Variants in HUNK observed in about 807,000 individuals in gnomAD.
HUNK encodes hormonally up-regulated Neu-associated kinase.
A neutral mutation model predicts 61.0 loss-of-function variants in HUNK; 21 were observed. The ratio of observed to expected loss-of-function variants is 0.34; its 90% CI spans 0.24 to 0.50. The LOEUF (loss-of-function observed/expected upper bound fraction) is 0.50. Ranked by LOEUF, HUNK falls within the 20% of genes least tolerant of loss-of-function variation. HUNK has a pLI of 0.98. For missense variants in HUNK, 772 were observed against 945.7 expected, an observed-to-expected ratio of 0.82 and a Z score of 2.41; for synonymous variants, 371 against 386.1, an observed-to-expected ratio of 0.96 and a Z score of 0.46.
chr21:31,956,316 G>C (rs1251137726), intron 4 of HUNK, among the ~76,000 whole-genome samples: 2 of 152,172 alleles, frequency 1.3e-5, no homozygotes, highest in East Asian at 3.8e-4. Flanking sequence ...ATTGGGAACA[G>C]CTTGTCTCAG....
intron 5 of HUNK, among the ~76,000 whole-genome samples, chr21:31,961,276 G>T (rs113050772): frequency 6.6e-6 from 1 of 151,650 alleles, no homozygotes; most frequent in African/African-American, 2.4e-5. Flanking sequence ...TGGATATACC[G>T]CAGTTTGTTT....
At chr21:31,969,928 T>C (rs374530122) in intron 6 of HUNK, among the ~76,000 whole-genome samples, 2 of 152,176 alleles carry the variant, frequency 1.3e-5, no homozygotes, top group Non-Finnish European at 2.9e-5. Context: ...AGCGAGGGAA[T>C]GAGGGCCCTT....
intron 1 of HUNK, among the ~76,000 whole-genome samples, chr21:31,898,236 A>G (rs969222200): frequency 6.6e-6 from 1 of 152,098 alleles, no homozygotes; most frequent in Non-Finnish European, 1.5e-5. Flanking sequence ...TGTGATTACC[A>G]TTAGGACAAG....
At chr21:31,934,251 C>T (rs1568928881) in intron 2 of HUNK, among the ~76,000 whole-genome samples, 1 of 151,614 alleles carries the variant, frequency 6.6e-6, no homozygotes, top group Non-Finnish European at 1.5e-5. Flanking sequence ...GTCAGGAGAT[C>T]GAGACCACGG....
chr21:31,904,153 CA>C (rs2052489042), intron 1 of HUNK, among the ~76,000 whole-genome samples: 1 of 151,804 alleles, frequency 6.6e-6, no homozygotes, highest in Non-Finnish European at 1.5e-5. Context: ...GGCTATTCAC[CA>C]CAAAAGATTG....
chr21:31,884,603 T>C (rs190081292), intron 1 of HUNK, among the ~76,000 whole-genome samples: 2 of 134,426 alleles, frequency 1.5e-5, no homozygotes, highest in Non-Finnish European at 3.1e-5. Flanking sequence ...AAAAAAAAAA[T>C]AAATAAATAA....
intron 1 of HUNK, among the ~76,000 whole-genome samples, chr21:31,907,806 A>G (rs993582655): frequency 2.6e-5 from 4 of 152,138 alleles, no homozygotes; most frequent in African/African-American, 7.2e-5. Context: ...CCTGGCCAAC[A>G]TGGAGAAACC....
At position 32,001,802 on chromosome 21, in the gene HUNK, ACTGT is replaced by A. The variant is rs1170588602; in HGVS notation, c.*2621_*2624del. The A allele has an allele frequency of 6.6e-6, 1 of 152,606 alleles. No homozygotes were observed. The highest frequency in any genetic ancestry group is 1.5e-5 in the Non-Finnish European group (1 of 68,034). The allele number at this position is 152,606 out of a possible 1,614,324, so 9.5% of individuals were successfully genotyped here. On this transcript the variant is annotated 3_prime_UTR_variant, in exon 11 of 11. Coordinates refer to ENST00000270112, the MANE Select transcript of HUNK (RefSeq NM_014586.2). ...GAAGCATGTTGTCTGTTCGACCGTG[ACTGT>A]CTTCCTCAGTCTGTGCCTGTGATTC...
rs748493019 is a variant in HUNK, at chr21:31,998,854, C to CGGAA, written c.1817_1820dup (p.Ser607ArgfsTer22). 1.9e-6 allele frequency: 3 copies of CGGAA among 1,614,180 alleles called. No individual in the cohort carries two copies. The South Asian group carries it at 3.3e-5, about 18-fold the overall frequency. On this transcript the variant is annotated frameshift_variant, in exon 11 of 11. Transcript: ENST00000270112. LOFTEE classifies it high-confidence loss of function. ...GGACGCTGTCCCCGGGTCTGCCATCCGGAAGCATGTCGCCTCTCCATACTC... is the reference window on the plus strand; with the variant it reads ...GGACGCTGTCCCCGGGTCTGCCATCCGGAAGGAAGCATGTCGCCTCTCCATACTC...
At chr21:31,896,035 CAG>C (rs1207210907) in intron 1 of HUNK, among the ~76,000 whole-genome samples, 1 of 150,400 alleles carries the variant, frequency 6.6e-6, no homozygotes, top group Admixed American at 6.7e-5. Context: ...AATTTGGACA[CAG>C]ATGTGCGCAC....
chr21:31,963,352 C>A (rs974774120), intron 5 of HUNK, among the ~76,000 whole-genome samples: 2 of 152,022 alleles, frequency 1.3e-5, no homozygotes, highest in African/African-American at 4.8e-5. Context: ...ATAAGACGCA[C>A]CCCCCCTACA....
At position 32,000,054 on chromosome 21, in the gene HUNK, G is replaced by A. The variant is rs552926466; in HGVS notation, c.*870G>A. The A allele has an allele frequency of 2.4e-4, 97 of 397,846 alleles. No individual in the cohort carries two copies. In the Admixed American group the frequency reaches 3.4e-3, roughly 14 times the overall value. The allele number at this position is 397,846 out of a possible 1,614,324, so 24.6% of individuals were successfully genotyped here. ...GTGGCCCACAGGCAGGGCAAGTCTCGGTGGCCCTGTGTTCATCCTGTTGTT... is the reference window on the plus strand; with the variant it reads ...GTGGCCCACAGGCAGGGCAAGTCTCAGTGGCCCTGTGTTCATCCTGTTGTT... On this transcript the variant is annotated 3_prime_UTR_variant, in exon 11 of 11. Transcript: ENST00000270112.
intron 3 of HUNK, among the ~76,000 whole-genome samples, chr21:31,945,282 G>A (rs1010438152): frequency 6.6e-6 from 1 of 152,074 alleles, no homozygotes; most frequent in South Asian, 2.1e-4. Flanking sequence ...TAAACATGGC[G>A]CAGAAGGCAT....
chr21:31,928,597 T>A (rs1024010205), intron 2 of HUNK, among the ~76,000 whole-genome samples: 13 of 152,154 alleles, frequency 8.5e-5, no homozygotes, highest in Non-Finnish European at 1.0e-4. Context: ...CAGGGACGAT[T>A]TAGGAAGATT....
intron 4 of HUNK, among the ~76,000 whole-genome samples, chr21:31,951,191 A>AATATATAT (rs60578023): frequency 1.4e-5 from 2 of 147,816 alleles, no homozygotes; most frequent in East Asian, 3.9e-4. Flanking sequence ...TATATGTATA[A>AATATATAT]ATATATATAT....
At chr21:31,991,239 G>A (rs73193450) in intron 9 of HUNK, among the ~76,000 whole-genome samples, 46,521 of 151,244 alleles carry the variant, frequency 0.31, 7,473 homozygotes, top group Admixed American at 0.36. Flanking sequence ...TTTTTTTGAG[G>A]TGGAGTCTTG....
intron 1 of HUNK, among the ~76,000 whole-genome samples, chr21:31,878,769 A>G (rs1280003997): frequency 6.6e-6 from 1 of 152,238 alleles, no homozygotes; most frequent in Non-Finnish European, 1.5e-5. Flanking sequence ...GAAAAGCTGA[A>G]TCGAGAAAAG....
chr21:31,969,669 G>A (rs990408147), intron 6 of HUNK, among the ~76,000 whole-genome samples: 4 of 151,622 alleles, frequency 2.6e-5, no homozygotes, highest in African/African-American at 9.7e-5. Context: ...TGAGCTCAAG[G>A]GAGTCTCCCA....
At chr21:31,950,478 G>A (rs1026941123) in intron 4 of HUNK, among the ~76,000 whole-genome samples, 2 of 152,202 alleles carry the variant, frequency 1.3e-5, no homozygotes, top group Admixed American at 6.5e-5. Flanking sequence ...GTGGGGAAAC[G>A]TTCCAGGCAG....
Sources: allele counts gnomAD v4.1 joint callset (sites outside exome capture counted in the v4.1 genomes callset), GRCh38; gene constraint gnomAD v4.1.1; transcripts MANE v1.5; gene names NCBI Gene and HGNC (gene_info 2026-07-23, HGNC 2026-07-21).